Variants in TP63 observed in about 807,000 individuals in gnomAD.
The protein encoded by TP63 is tumor protein p63, also known as tumor protein 63.
TP63 carries 17 observed loss-of-function variants against 82.8 expected under a neutral mutation model. The ratio of observed to expected loss-of-function variants is 0.21; its 90% CI spans 0.14 to 0.31. The LOEUF (loss-of-function observed/expected upper bound fraction) is 0.31, where lower values mean the gene tolerates loss of function less well. TP63 is among the 10% of genes least tolerant of loss of function. The pLI is 1.00. For synonymous variants in TP63, 330 were observed against 321.7 expected, an observed-to-expected ratio of 1.03 and a Z score of -0.28; for missense variants, 648 against 895.3, an observed-to-expected ratio of 0.72 and a Z score of 3.52.
chr3:189,821,758 T>C (rs886995471), intron 4 of TP63, among the ~76,000 whole-genome samples: 2 of 152,234 alleles, frequency 1.3e-5, no homozygotes, highest in African/African-American at 4.8e-5. Flanking sequence ...AAAAATGCAA[T>C]ACTTTGAATT....
chr3:189,718,276 T>C (rs559674473), intron 1 of TP63, among the ~76,000 whole-genome samples: 50 of 148,532 alleles, frequency 3.4e-4, no homozygotes, highest in African/African-American at 1.2e-3. Flanking sequence ...GATGTATTAG[T>C]TTGTTTTCAC....
chr3:189,892,261 G>A (rs1202750832), intron 13 of TP63, among the ~76,000 whole-genome samples: 1 of 152,098 alleles, frequency 6.6e-6, no homozygotes. Flanking sequence ...TATTTCCACT[G>A]GGGAATGTGT....
At chr3:189,788,574 C>A (rs923607006) in intron 3 of TP63, among the ~76,000 whole-genome samples, 1 of 151,504 alleles carries the variant, frequency 6.6e-6, no homozygotes, top group Admixed American at 6.6e-5. Context: ...AATTGGGTCC[C>A]TGAGTGGGGG....
intron 1 of TP63, chr3:189,645,316 C>CT: frequency 2.0e-6 from 1 of 508,358 alleles, no homozygotes; most frequent in African/African-American, 1.9e-5. Flanking sequence ...TCTTTGGTTC[C>CT]TTTTCCACTT....
At chr3:189,877,279 A>G (rs947042240) in intron 10 of TP63, among the ~76,000 whole-genome samples, 1 of 152,184 alleles carries the variant, frequency 6.6e-6, no homozygotes, top group Non-Finnish European at 1.5e-5. Context: ...AGAAAGACAA[A>G]TCGGACCCTA....
intron 1 of TP63, among the ~76,000 whole-genome samples, chr3:189,731,277 G>A (rs1167610385): frequency 6.6e-6 from 1 of 152,110 alleles, no homozygotes; most frequent in African/African-American, 2.4e-5. Flanking sequence ...CCAGGAGGCA[G>A]AGGTTGCAGT....
chr3:189,662,257 T>TG (rs1258752073), intron 1 of TP63, among the ~76,000 whole-genome samples: 1 of 152,128 alleles, frequency 6.6e-6, no homozygotes, highest in Non-Finnish European at 1.5e-5. Flanking sequence ...GATTTTGGTA[T>TG]GCAGTGTTTC....
At chr3:189,608,235 G>A in the TP63 span, among the ~76,000 whole-genome samples, 1 of 152,162 alleles carries the variant, frequency 6.6e-6, no homozygotes, top group African/African-American at 2.4e-5. Flanking sequence ...CTTGGGGAGG[G>A]GTATTTATTT....
intron 1 of TP63, among the ~76,000 whole-genome samples, chr3:189,730,947 A>G (rs987572808): frequency 9.2e-5 from 14 of 152,220 alleles, no homozygotes; most frequent in African/African-American, 3.1e-4. Context: ...GCATGCTCCA[A>G]TGGGGAGTAA....
At chr3:189,806,965 C>T (rs975168767) in intron 3 of TP63, among the ~76,000 whole-genome samples, 4 of 152,022 alleles carry the variant, frequency 2.6e-5, no homozygotes, top group African/African-American at 9.7e-5. Flanking sequence ...TAAGTTTGTT[C>T]TTCTCTATAG....
the TP63 span, among the ~76,000 whole-genome samples, chr3:189,606,913 G>C: frequency 6.6e-6 from 1 of 152,110 alleles, no homozygotes; most frequent in Non-Finnish European, 1.5e-5. Flanking sequence ...ATATAAATGT[G>C]ATGGAATGTC....
chr3:189,675,980 G>C (rs941618720), intron 1 of TP63, among the ~76,000 whole-genome samples: 4 of 151,952 alleles, frequency 2.6e-5, no homozygotes, highest in Admixed American at 6.6e-5. Flanking sequence ...TGAACCCTTT[G>C]AAAAACCATT....
rs149300070 is a variant in TP63 at position 189,815,280 on chromosome 3, A to G, written c.579+6754A>G. On this transcript the variant is annotated intron_variant, in intron 4 of 13. Transcript: ENST00000264731. Reference sequence around the variant, plus strand: ...TGGAAATTTTTATCAGGATTAAATTATCACAACCTTTTCATGTAACAAATC... The same window carrying G: ...TGGAAATTTTTATCAGGATTAAATTGTCACAACCTTTTCATGTAACAAATC... Among the ~76,000 whole-genome samples, 886 of 152,294 alleles carry G rather than the reference A, an allele frequency of 5.8e-3. 7 individuals are homozygous for G. The highest frequency in any genetic ancestry group is 0.02 in the African/African-American group (818 of 41,568).
chr3:189,867,484 TG>T (rs1717875130), intron 6 of TP63, among the ~76,000 whole-genome samples: 1 of 152,252 alleles, frequency 6.6e-6, no homozygotes, highest in Non-Finnish European at 1.5e-5. Context: ...GCATTGCTAC[TG>T]TTTTTGGCAA....
intron 4 of TP63, among the ~76,000 whole-genome samples, chr3:189,830,183 T>C (rs1304867016): frequency 6.6e-6 from 1 of 152,194 alleles, no homozygotes; most frequent in African/African-American, 2.4e-5. Flanking sequence ...GAGATCTGAC[T>C]AGGAGAATCT....
At chr3:189,753,831 A>G (rs1721993769) in intron 3 of TP63, among the ~76,000 whole-genome samples, 1 of 152,012 alleles carries the variant, frequency 6.6e-6, no homozygotes, top group Admixed American at 6.6e-5. Context: ...TATCACTCAT[A>G]TTTTTAGTGA....
chr3:189,620,326 C>T, the TP63 span, among the ~76,000 whole-genome samples: 1 of 151,990 alleles, frequency 6.6e-6, no homozygotes, highest in Non-Finnish European at 1.5e-5. Flanking sequence ...AGATCGAGAC[C>T]ATCCTGAACA....
At chr3:189,832,467 C>A (rs1712511469) in intron 4 of TP63, among the ~76,000 whole-genome samples, 1 of 152,124 alleles carries the variant, frequency 6.6e-6, no homozygotes, top group Non-Finnish European at 1.5e-5. Context: ...GCCAGCTAAA[C>A]CTAAAAGTTA....
intron 3 of TP63, among the ~76,000 whole-genome samples, chr3:189,751,977 A>G (rs1026337998): frequency 1.3e-5 from 2 of 152,188 alleles, no homozygotes. Flanking sequence ...TAATTCAACA[A>G]TGAAACCATT....
Sources: allele counts gnomAD v4.1 joint callset (sites outside exome capture counted in the v4.1 genomes callset), GRCh38; gene constraint gnomAD v4.1.1; transcripts MANE v1.5; gene names NCBI Gene and HGNC (gene_info 2026-07-23, HGNC 2026-07-21).